The following PPM1H variants were observed in gnomAD, a reference collection of about 807,000 sequenced individuals.
The protein encoded by PPM1H is protein phosphatase 1H.
A neutral mutation model predicts 54.9 loss-of-function variants in PPM1H; 27 were observed. The observed-to-expected ratio is 0.49, with a 90% CI of 0.36 to 0.68. The LOEUF (loss-of-function observed/expected upper bound fraction) is 0.68. PPM1H is among the 30% of genes least tolerant of loss of function. The pLI, the probability that PPM1H is intolerant of heterozygous loss-of-function variation, is 0.00. For synonymous variants in PPM1H, 305 were observed against 270.8 expected (o/e 1.13, Z -1.24); for missense variants, 596 against 667.8 (o/e 0.89, Z 1.19).
chr12:62,921,801 A>G (rs1565830025), intron 1 of PPM1H, among the ~76,000 whole-genome samples: 1 of 152,164 alleles, frequency 6.6e-6, no homozygotes, highest in East Asian at 1.9e-4. Flanking sequence ...ACAAGCAAAC[A>G]AAAAACTTGA....
chr12:62,726,279 T>C (rs1224549651), intron 5 of PPM1H, among the ~76,000 whole-genome samples: 1 of 152,062 alleles, frequency 6.6e-6, no homozygotes, highest in African/African-American at 2.4e-5. Flanking sequence ...GGAAAACACT[T>C]ACGGTTATTA....
intron 4 of PPM1H, chr12:62,755,266 G>C: frequency 1.3e-6 from 1 of 751,800 alleles, no homozygotes; most frequent in Non-Finnish European, 2.4e-6. Context: ...TGGTTGTATT[G>C]GGTGCCTAGT....
intron 2 of PPM1H, among the ~76,000 whole-genome samples, chr12:62,817,629 G>A (rs922066791): frequency 6.6e-6 from 1 of 152,196 alleles, no homozygotes; most frequent in Non-Finnish European, 1.5e-5. Context: ...GGAGCCAACT[G>A]CCTGATGAGG....
chr12:62,746,011 C>T lies in PPM1H; in HGVS notation c.870-8425G>A, dbSNP rs368442645. Among the ~76,000 whole-genome samples the T allele has an allele frequency of 7.2e-5, 11 of 152,122 alleles. No homozygotes were observed. In the South Asian group the frequency reaches 1.7e-3, roughly 23 times the overall value. On this transcript the variant is annotated intron_variant, in intron 4 of 9. Transcript: ENST00000228705. The stretch of plus-strand genomic sequence containing the variant: ...AGTTGGGACCAGCCTAGGCAACATA[C>T]TGAGACCCTCGTCTCTACAAAAAAA...
At position 62,752,233 on chromosome 12, in the gene PPM1H, G is replaced by A. The variant is rs185821383; in HGVS notation, c.870-14647C>T. On this transcript the variant is annotated intron_variant, in intron 4 of 9. Coordinates refer to ENST00000228705, the MANE Select transcript of PPM1H (RefSeq NM_020700.2). ...TATGAAGGGACTTTATAGATTATTA[G>A]TGATGCTGAATGAATAAATTAAACT... 3.4e-3 allele frequency among the ~76,000 whole-genome samples: 512 copies of A among 152,254 alleles called. 2 individuals are homozygous for A. Among genetic ancestry groups the A allele is most frequent in the Middle Eastern group, 0.014 (4 of 294 alleles).
intron 4 of PPM1H, among the ~76,000 whole-genome samples, chr12:62,782,627 C>G (rs912506983): frequency 1.3e-5 from 2 of 152,188 alleles, no homozygotes; most frequent in African/African-American, 4.8e-5. Flanking sequence ...TCCTAGGAGA[C>G]TCTCAAGCAT....
chr12:62,837,491 ACT>A (rs536275019), intron 1 of PPM1H, among the ~76,000 whole-genome samples: 12 of 152,102 alleles, frequency 7.9e-5, no homozygotes, highest in South Asian at 6.2e-4. Flanking sequence ...CTCAACACCA[ACT>A]CTCTCTCCCT....
At chr12:62,911,709 C>T (rs960767009) in intron 1 of PPM1H, among the ~76,000 whole-genome samples, 9 of 152,354 alleles carry the variant, frequency 5.9e-5, no homozygotes, top group East Asian at 3.9e-4. Context: ...GCAGGCACCA[C>T]GCTTTCCCTC....
At chr12:62,751,720 A>G (rs1026212398) in intron 4 of PPM1H, among the ~76,000 whole-genome samples, 8 of 152,248 alleles carry the variant, frequency 5.3e-5, no homozygotes, top group Admixed American at 3.9e-4. Context: ...CGTCTGCTAC[A>G]TGAGGGCAAA....
At chr12:62,884,158 A>G (rs949946419) in intron 1 of PPM1H, among the ~76,000 whole-genome samples, 31 of 152,132 alleles carry the variant, frequency 2.0e-4, no homozygotes, top group African/African-American at 7.2e-4. Flanking sequence ...TCTCTTACAG[A>G]TACTGAATTT....
At chr12:62,756,737 G>A (rs1303890987) in intron 4 of PPM1H, among the ~76,000 whole-genome samples, 2 of 152,018 alleles carry the variant, frequency 1.3e-5, no homozygotes, top group Non-Finnish European at 2.9e-5. Context: ...AATCTCGGAG[G>A]AGCCAATTGA....
At chr12:62,773,970 A>G (rs529948395) in intron 4 of PPM1H, among the ~76,000 whole-genome samples, 3 of 152,260 alleles carry the variant, frequency 2.0e-5, no homozygotes, top group African/African-American at 7.2e-5. Context: ...AAGGGAAGAA[A>G]ATGGATCATA....
intron 1 of PPM1H, among the ~76,000 whole-genome samples, chr12:62,911,963 G>T (rs1871475053): frequency 6.6e-6 from 1 of 152,144 alleles, no homozygotes; most frequent in Admixed American, 6.5e-5. Context: ...CTCAGGTCTT[G>T]TCTTGGTTCT....
At chr12:62,819,416 C>T (rs1349783455) in intron 2 of PPM1H, among the ~76,000 whole-genome samples, 3 of 152,026 alleles carry the variant, frequency 2.0e-5, no homozygotes, top group Admixed American at 6.6e-5. Context: ...CGTGAGCCAC[C>T]GTACCTGGCC....
At chr12:62,818,867 C>A (rs2076885733) in intron 2 of PPM1H, among the ~76,000 whole-genome samples, 1 of 145,010 alleles carries the variant, frequency 6.9e-6, no homozygotes, top group Non-Finnish European at 1.5e-5. Context: ...GTTGCCCAGG[C>A]TGGAGTGCAG....
At chr12:62,932,775 C>CA in intron 1 of PPM1H, among the ~76,000 whole-genome samples, 1 of 151,780 alleles carries the variant, frequency 6.6e-6, no homozygotes, top group East Asian at 1.9e-4. Flanking sequence ...GCTGGGATTA[C>CA]AGGCATGCGC....
intron 2 of PPM1H, among the ~76,000 whole-genome samples, chr12:62,828,370 C>A (rs1434986256): frequency 1.3e-5 from 2 of 152,202 alleles, no homozygotes; most frequent in Non-Finnish European, 2.9e-5. Context: ...TTCCTAAACC[C>A]TGAGAACATA....
intron 4 of PPM1H, among the ~76,000 whole-genome samples, chr12:62,765,711 G>C (rs1207772205): frequency 2.0e-5 from 3 of 152,224 alleles, no homozygotes; most frequent in African/African-American, 7.2e-5. Flanking sequence ...GGCACACAGA[G>C]AGGGATCAGT....
At chr12:62,824,708 C>G (rs1482932317) in intron 2 of PPM1H, among the ~76,000 whole-genome samples, 1 of 152,138 alleles carries the variant, frequency 6.6e-6, no homozygotes, top group Non-Finnish European at 1.5e-5. Context: ...ATGTAGAAAG[C>G]TGAAACTGGA....
Sources: allele counts gnomAD v4.1 joint callset (sites outside exome capture counted in the v4.1 genomes callset), GRCh38; gene constraint gnomAD v4.1.1; transcripts MANE v1.5; gene names NCBI Gene and HGNC (gene_info 2026-07-23, HGNC 2026-07-21).